SUPT3H: variants seen among roughly 807,000 people sequenced by gnomAD.
SUPT3H encodes the protein transcription initiation protein SPT3 homolog.
In SUPT3H, 44 loss-of-function variants were observed where a neutral mutation model predicts 44.3. The observed-to-expected ratio is 0.99, with a 90% CI of 0.78 to 1.28. The LOEUF is 1.28. Among genes scored for constraint, SUPT3H ranks in the 50% most tolerant of loss-of-function variants. The pLI is 0.00. For synonymous variants in SUPT3H, 124 were observed against 125.6 expected (o/e 0.99, Z 0.09); for missense variants, 380 against 387.1 (o/e 0.98, Z 0.15).
chr6:45,276,753 C>A (rs1777095085), intron 2 of SUPT3H, among the ~76,000 whole-genome samples: 1 of 152,182 alleles, frequency 6.6e-6, no homozygotes, highest in African/African-American at 2.4e-5. Flanking sequence ...AACAGTTCCT[C>A]CAATTAAGGC....
At chr6:44,977,439 T>C (rs895829938) in intron 6 of SUPT3H, among the ~76,000 whole-genome samples, 1 of 152,202 alleles carries the variant, frequency 6.6e-6, no homozygotes. Flanking sequence ...ACTGATTCTC[T>C]GGATTTTTTA....
intron 2 of SUPT3H, among the ~76,000 whole-genome samples, chr6:45,215,274 C>A (rs62400268): frequency 2.0e-5 from 3 of 151,860 alleles, no homozygotes; most frequent in African/African-American, 7.3e-5. Flanking sequence ...GGTAAAGACA[C>A]AAGAAACATG....
intron 10 of SUPT3H, among the ~76,000 whole-genome samples, chr6:44,888,317 G>A (rs972971704): frequency 2.6e-5 from 4 of 152,206 alleles, no homozygotes; most frequent in African/African-American, 9.6e-5. Flanking sequence ...AACAAAAAAA[G>A]AGAATTTTAG....
intron 2 of SUPT3H, among the ~76,000 whole-genome samples, chr6:45,306,724 G>A (rs1319155482): frequency 6.6e-6 from 1 of 152,214 alleles, no homozygotes; most frequent in Non-Finnish European, 1.5e-5. Flanking sequence ...CAGAAGACGG[G>A]TGATTTCTGC....
intron 6 of SUPT3H, among the ~76,000 whole-genome samples, chr6:44,985,212 T>TAAATAAATAAATAAATA (rs1554195415): frequency 1.3e-4 from 15 of 113,604 alleles, no homozygotes; most frequent in Admixed American, 2.9e-4. Context: ...AATAAATAAA[T>TAAATAAATAAATAAATA]AAATAAAATA....
intron 5 of SUPT3H, among the ~76,000 whole-genome samples, chr6:45,004,755 A>G (rs1056245214): frequency 1.3e-5 from 2 of 151,980 alleles, no homozygotes; most frequent in African/African-American, 4.8e-5. Flanking sequence ...ATTCATTTAT[A>G]TTTTCTAGAA....
At chr6:44,884,560 C>T (rs534861724) in intron 10 of SUPT3H, among the ~76,000 whole-genome samples, 1 of 152,244 alleles carries the variant, frequency 6.6e-6, no homozygotes, top group African/African-American at 2.4e-5. Context: ...CAGCACTACT[C>T]ACAATAGCAA....
intron 2 of SUPT3H, among the ~76,000 whole-genome samples, chr6:45,173,739 C>A (rs1053781647): frequency 6.6e-6 from 1 of 152,204 alleles, no homozygotes; most frequent in Non-Finnish European, 1.5e-5. Context: ...ATACATACTT[C>A]AAAAGCCTAA....
chr6:44,969,723 C>G (rs1400225906), intron 6 of SUPT3H, among the ~76,000 whole-genome samples: 1 of 152,152 alleles, frequency 6.6e-6, no homozygotes, highest in Non-Finnish European at 1.5e-5. Context: ...GTTTGACCTG[C>G]AATTTTCACT....
chr6:45,224,778 C>CA (rs771850561), intron 2 of SUPT3H, among the ~76,000 whole-genome samples: 1,308 of 102,432 alleles, frequency 0.013, 20 homozygotes, highest in Admixed American at 0.045. Flanking sequence ...ACTTTGTCTC[C>CA]AAAAAAAAAA....
intron 2 of SUPT3H, among the ~76,000 whole-genome samples, chr6:45,346,636 C>T (rs1310354034): frequency 1.3e-5 from 2 of 149,622 alleles, no homozygotes; most frequent in East Asian, 3.9e-4. Context: ...GGTGCGATCT[C>T]GGCTCACTGC....
intron 7 of SUPT3H, among the ~76,000 whole-genome samples, chr6:44,960,106 A>T (rs1244924173): frequency 5.9e-5 from 9 of 152,222 alleles, no homozygotes; most frequent in African/African-American, 1.9e-4. Flanking sequence ...TATTTTATAC[A>T]GAAAGGGAAA....
intron 10 of SUPT3H, among the ~76,000 whole-genome samples, chr6:44,862,209 C>T (rs144974248): frequency 6.6e-4 from 101 of 152,120 alleles, no homozygotes; most frequent in Non-Finnish European, 7.9e-4. Context: ...TTTGCTCATG[C>T]TCCTTCTGCA....
chr6:45,026,662 T>C lies in SUPT3H; in HGVS notation c.187-6030A>G, dbSNP rs192831231. On this transcript the variant is annotated intron_variant, in intron 3 of 10. Coordinates refer to ENST00000371459, the MANE Select transcript of SUPT3H (RefSeq NM_003599.4). ...TTCCAGTGGCAATCACCTTTAACTTTTTAAGCTTGTTTCTATTTTATTTAC... is the reference window on the plus strand; with the variant it reads ...TTCCAGTGGCAATCACCTTTAACTTCTTAAGCTTGTTTCTATTTTATTTAC... 1.6e-3 allele frequency among the ~76,000 whole-genome samples: 247 copies of C among 152,290 alleles called. 2 individuals are homozygous for C. The highest frequency in any genetic ancestry group is 5.5e-3 in the African/African-American group (230 of 41,572).
chr6:45,321,718 G>T, intron 2 of SUPT3H: 2 of 998,382 alleles, frequency 2.0e-6, no homozygotes, highest in Non-Finnish European at 3.0e-6. Flanking sequence ...CAATCTATTT[G>T]TATCTAATAC....
At chr6:44,905,650 C>T (rs1430827267) in intron 10 of SUPT3H, among the ~76,000 whole-genome samples, 1 of 152,026 alleles carries the variant, frequency 6.6e-6, no homozygotes, top group Admixed American at 6.6e-5. Flanking sequence ...TACCATTTGA[C>T]CCAGCCATCC....
intron 2 of SUPT3H, among the ~76,000 whole-genome samples, chr6:45,239,501 G>A (rs190721987): frequency 3.3e-5 from 5 of 152,352 alleles, no homozygotes; most frequent in Admixed American, 3.3e-4. Flanking sequence ...TTTACAGGAG[G>A]AGTTAATCCT....
chr6:44,917,848 T>C (rs775533466), intron 10 of SUPT3H, among the ~76,000 whole-genome samples: 1 of 152,172 alleles, frequency 6.6e-6, no homozygotes, highest in East Asian at 1.9e-4. Flanking sequence ...ATATATTATA[T>C]AGAAAAAAAC....
At chr6:45,071,891 G>A (rs1273849671) in intron 3 of SUPT3H, among the ~76,000 whole-genome samples, 1 of 152,158 alleles carries the variant, frequency 6.6e-6, no homozygotes, top group Non-Finnish European at 1.5e-5. Context: ...GATTATACCT[G>A]AATTCAAAGG....
Sources: allele counts gnomAD v4.1 joint callset (sites outside exome capture counted in the v4.1 genomes callset), GRCh38; gene constraint gnomAD v4.1.1; transcripts MANE v1.5; gene names NCBI Gene and HGNC (gene_info 2026-07-23, HGNC 2026-07-21).